The following CFAP20DC variants were observed in gnomAD, a reference collection of about 807,000 sequenced individuals.
CFAP20DC encodes protein CFAP20DC.
A neutral mutation model predicts 101.7 loss-of-function variants in CFAP20DC; 84 were observed. The ratio of observed to expected loss-of-function variants is 0.83; its 90% CI spans 0.69 to 0.99. The LOEUF (loss-of-function observed/expected upper bound fraction) is 0.99. Ranked by LOEUF, CFAP20DC falls within the 50% of genes least tolerant of loss-of-function variation. The pLI is 0.00. For missense variants in CFAP20DC, 1,007 were observed against 970.3 expected (o/e 1.04, Z -0.50); for synonymous variants, 359 against 351.2 (o/e 1.02, Z -0.25).
rs2075233257 is a variant in CFAP20DC at position 58,817,012 on chromosome 3, AC to A, written c.2176-10557del. On this transcript the variant is annotated intron_variant, in intron 14 of 16. Transcript: ENST00000482387. ...CCCCCGAGCAGCCTAACTGGGAGGC[AC>A]CCCCCAGCAGCAGCACACTGACACC... 5.3e-5 allele frequency among the ~76,000 whole-genome samples: 8 copies of A among 152,110 alleles called. No individual in the cohort carries two copies. In the South Asian group the frequency reaches 1.7e-3, roughly 32 times the overall value.
intron 14 of CFAP20DC, among the ~76,000 whole-genome samples, chr3:58,808,021 A>T (rs910942325): frequency 6.6e-6 from 1 of 152,188 alleles, no homozygotes; most frequent in African/African-American, 2.4e-5. Context: ...AGAAAAAAGA[A>T]TAAAAAGAAA....
chr3:58,834,938 A>C (rs1271793122), intron 13 of CFAP20DC, among the ~76,000 whole-genome samples: 1 of 152,182 alleles, frequency 6.6e-6, no homozygotes, highest in East Asian at 1.9e-4. Flanking sequence ...TTAGGATTAA[A>C]AAAACAAACT....
chr3:58,870,369 C>T, intron 7 of CFAP20DC, 60 bp from the exon 8 acceptor site: 1 of 1,538,256 alleles, frequency 6.5e-7, no homozygotes, highest in Non-Finnish European at 9.0e-7. Flanking sequence ...AAACATCACA[C>T]TGCAATCTTT....
intron 5 of CFAP20DC, among the ~76,000 whole-genome samples, chr3:58,937,385 T>C (rs1264252701): frequency 6.6e-6 from 1 of 152,192 alleles, no homozygotes; most frequent in African/African-American, 2.4e-5. Context: ...ATGGATTCCT[T>C]TCCCTTTCAC....
At position 58,799,029 on chromosome 3, in the gene CFAP20DC, C is replaced by G. The variant is rs9832821; in HGVS notation, c.2237+7366G>C. Among the ~76,000 whole-genome samples the G allele has an allele frequency of 0.12, 18,226 of 152,074 alleles. 1,977 individuals are homozygous for G. The highest frequency in any genetic ancestry group is 0.35 in the East Asian group (1,810 of 5,164). ...TGCTTTACTGTGGTGGTCTGAAACT[C>G]AACCTACAATATCTCTGAGGTACGC... On this transcript the variant is annotated intron_variant, in intron 15 of 16. Coordinates refer to ENST00000482387, the MANE Select transcript of CFAP20DC (RefSeq NM_001394063.1). The surrounding 1 kb of genome is among the most constrained non-coding windows in gnomAD (Gnocchi z 4.9).
chr3:58,867,903 G>A lies in CFAP20DC; in HGVS notation c.1049C>T (p.Pro350Leu), dbSNP rs772709211. ...ATTCTTATCTGCTGATGGTTCTTGA[G>A]GGGGATGCGGATGCATAATATGTAG... ...ANLHIMHPHPPQEPSADKNNN... is the reference protein window; with the variant it reads ...ANLHIMHPHPLQEPSADKNNN... The change falls in exon 10 of 17, where the codon CCT becomes CTT. Residue 350 changes from proline (P) to leucine (L), a missense_variant. By Grantham distance (98) the Pro-to-Leu change is moderately conservative. Transcript: ENST00000482387. 1.3e-4 allele frequency: 210 copies of A among 1,612,922 alleles called. No individual in the cohort carries two copies. The highest frequency in any genetic ancestry group is 1.7e-4 in the Non-Finnish European group (199 of 1,179,486).
intron 4 of CFAP20DC, among the ~76,000 whole-genome samples, chr3:58,941,327 C>CAAAAAAAAAAAAAAAAA (rs752324535): frequency 2.0e-4 from 4 of 19,532 alleles, no homozygotes; most frequent in African/African-American, 7.3e-4. Context: ...GACTCCGTCT[C>CAAAAAAAAAAAAAAAAA]AAAAAAAAAA....
chr3:58,973,100 T>A (rs2108391679), intron 4 of CFAP20DC, among the ~76,000 whole-genome samples: 1 of 152,346 alleles, frequency 6.6e-6, no homozygotes, highest in East Asian at 1.9e-4. Context: ...TAGAAATTCT[T>A]TTCCATGGGG....
chr3:59,033,357 C>A (rs565580065), intron 4 of CFAP20DC, among the ~76,000 whole-genome samples: 4 of 152,222 alleles, frequency 2.6e-5, no homozygotes, highest in African/African-American at 9.6e-5. Flanking sequence ...GTTTGATGAA[C>A]TGACAGAAGT....
At chr3:58,948,157 G>A (rs1188704263) in intron 4 of CFAP20DC, among the ~76,000 whole-genome samples, 1 of 152,192 alleles carries the variant, frequency 6.6e-6, no homozygotes. Flanking sequence ...ACATGACATG[G>A]GACACTGGAG....
At chr3:58,765,490 C>CAAAAAAAAAAAAAAAAAAACAAA (rs1337049385) in intron 15 of CFAP20DC, among the ~76,000 whole-genome samples, 1 of 81,808 alleles carries the variant, frequency 1.2e-5, no homozygotes, top group Non-Finnish European at 2.5e-5. Context: ...AAAAAAAAAC[C>CAAAAAAAAAAAAAAAAAAACAAA]AAAAAAAAAA....
In CFAP20DC at chr3:59,002,765, A is replaced by T. The variant is rs948007542; in HGVS notation, c.278+36792T>A. 6.6e-6 allele frequency among the ~76,000 whole-genome samples: 1 copy of T among 152,204 alleles called. No homozygotes were observed. The highest frequency in any genetic ancestry group is 1.5e-5 in the Non-Finnish European group (1 of 68,028). On this transcript the variant is annotated intron_variant, in intron 4 of 16. Transcript: ENST00000482387. This position sits in a 1 kb window ranked among gnomAD's most constrained non-coding sequence, Gnocchi z 4.5. The stretch of plus-strand genomic sequence containing the variant: ...AAGAGATGTTATTTTAAGTAAATAT[A>T]AAAAAGAGAGCATTTGTGACCTTCT...
In CFAP20DC at chr3:58,822,295, T is replaced by TA. The variant is rs201126935; in HGVS notation, c.2175+9390dup. Among the ~76,000 whole-genome samples the TA allele has an allele frequency of 2.8e-3, 341 of 120,466 alleles. 4 individuals are homozygous for TA. Among genetic ancestry groups the TA allele is most frequent in the African/African-American group, 9.8e-3 (303 of 30,884 alleles). The allele number at this position is 120,466 out of a possible 152,430, so 79.0% of individuals were successfully genotyped here. A position where few individuals can be genotyped will look rare whatever the true frequency, so the allele number is the denominator to read the frequency against. On this transcript the variant is annotated intron_variant, in intron 14 of 16. Coordinates refer to ENST00000482387, the MANE Select transcript of CFAP20DC (RefSeq NM_001394063.1). ...ATGTACCGTAAAACTTAAAGTATAATAAAAAAAAATCATGAAAAAACAAAC... is the reference window on the plus strand; with the variant it reads ...ATGTACCGTAAAACTTAAAGTATAATAAAAAAAAAATCATGAAAAAACAAAC...
At chr3:58,889,631 T>A (rs2081983101) in intron 6 of CFAP20DC, among the ~76,000 whole-genome samples, 1 of 145,272 alleles carries the variant, frequency 6.9e-6, no homozygotes. Flanking sequence ...GGGACAATAG[T>A]GGAGGGAAGG....
chr3:58,821,228 G>A (rs1380325811), intron 14 of CFAP20DC, among the ~76,000 whole-genome samples: 1 of 152,104 alleles, frequency 6.6e-6, no homozygotes, highest in African/African-American at 2.4e-5. Flanking sequence ...CAGGACATAG[G>A]CATGGGCAAG....
intron 11 of CFAP20DC, among the ~76,000 whole-genome samples, chr3:58,865,530 C>T (rs2079614352): frequency 6.6e-6 from 1 of 152,122 alleles, no homozygotes. Context: ...CAGAGGGGTG[C>T]AGGGGCATAT....
At chr3:58,871,818 G>A (rs982409866) in intron 7 of CFAP20DC, among the ~76,000 whole-genome samples, 11 of 152,074 alleles carry the variant, frequency 7.2e-5, no homozygotes, top group Non-Finnish European at 1.2e-4. Context: ...GTGAGCCACC[G>A]CACCTGGCCC....
rs2093463774 is a variant in CFAP20DC at position 59,007,445 on chromosome 3, G to T, written c.278+32112C>A. 6.6e-6 allele frequency among the ~76,000 whole-genome samples: 1 copy of T among 152,160 alleles called. No homozygotes were observed. Among genetic ancestry groups the T allele is most frequent in the African/African-American group, 2.4e-5 (1 of 41,428 alleles). On this transcript the variant is annotated intron_variant, in intron 4 of 16. Transcript: ENST00000482387. This position sits in a 1 kb window ranked among gnomAD's most constrained non-coding sequence, Gnocchi z 4.4. ...AGGCCAACCAACTCAAGCCATTACA[G>T]CAACTCATGACAGAATAATCTGGCT...
At chr3:58,779,504 T>C (rs1012665472) in intron 15 of CFAP20DC, among the ~76,000 whole-genome samples, 2 of 152,170 alleles carry the variant, frequency 1.3e-5, no homozygotes, top group Admixed American at 6.5e-5. Context: ...AGCACACAGA[T>C]ATATAAAGCA....
Sources: allele counts gnomAD v4.1 joint callset (sites outside exome capture counted in the v4.1 genomes callset), GRCh38; gene constraint gnomAD v4.1.1; non-coding constraint Gnocchi (gnomAD v3.1); transcripts MANE v1.5; gene names NCBI Gene and HGNC (gene_info 2026-07-23, HGNC 2026-07-21).